Variants in NFIC observed in about 807,000 individuals in gnomAD.
NFIC encodes nuclear factor 1 C-type.
A neutral mutation model predicts 54.4 loss-of-function variants in NFIC; 12 were observed. That is an observed-to-expected ratio of 0.22 (90% CI 0.14 to 0.36). The LOEUF is 0.36. Ranked by LOEUF, NFIC falls within the 10% of genes least tolerant of loss-of-function variation. The pLI, the probability that NFIC is intolerant of heterozygous loss-of-function variation, is 1.00. For missense variants in NFIC, 575 were observed against 718.2 expected, an observed-to-expected ratio of 0.80 and a Z score of 2.28; for synonymous variants, 322 against 319.2, an observed-to-expected ratio of 1.01 and a Z score of -0.09.
At chr19:3,385,187 C>T (rs1485619573) in intron 2 of NFIC, among the ~76,000 whole-genome samples, 1 of 146,898 alleles carries the variant, frequency 6.8e-6, no homozygotes, top group East Asian at 2.1e-4. Context: ...CCCCAATTGG[C>T]CCCAGCAGGG....
rs1016320528 is a variant in NFIC at position 3,463,689 on chromosome 19, G to A, written c.*920G>A. 5.2e-5 allele frequency: 51 copies of A among 983,378 alleles called. No homozygotes were observed. Among genetic ancestry groups the A allele is most frequent in the Middle Eastern group, 1.0e-3 (2 of 1,910 alleles). The allele number at this position is 983,378 out of a possible 1,614,324, so 60.9% of individuals were successfully genotyped here. A position where few individuals can be genotyped will look rare whatever the true frequency, so the allele number is the denominator to read the frequency against. On this transcript the variant is annotated 3_prime_UTR_variant, in exon 11 of 11. Transcript: ENST00000443272. ...GCCCGGCTCACACCCCCAAAGGGAG[G>A]GACCCACATTGCACACACTGTAAGA...
At chr19:3,379,074 TC>T (rs1251258503) in intron 1 of NFIC, among the ~76,000 whole-genome samples, 1 of 152,104 alleles carries the variant, frequency 6.6e-6, no homozygotes, top group Non-Finnish European at 1.5e-5. Flanking sequence ...TTTTTTGTTT[TC>T]CCAAGATGGA....
intron 2 of NFIC, among the ~76,000 whole-genome samples, chr19:3,388,640 T>C (rs2081333907): frequency 6.7e-6 from 1 of 150,066 alleles, no homozygotes; most frequent in Non-Finnish European, 1.5e-5. Context: ...CTGGGCAACA[T>C]AGCACGACCA....
chr19:3,366,547 T>TGGGGGGGGGGGGGGGGGGGG, upstream of NFIC: 3 of 353,240 alleles, frequency 8.5e-6, no homozygotes, highest in South Asian at 6.6e-5. Flanking sequence ...GGGGGGGGGT[T>TGGGGGGGGGGGGGGGGGGGG]GGGGGGGGCG....
chr19:3,390,897 C>T (rs1043548410), intron 2 of NFIC, among the ~76,000 whole-genome samples: 4 of 151,258 alleles, frequency 2.6e-5, no homozygotes, highest in African/African-American at 4.9e-5. Flanking sequence ...TTCATGGGGA[C>T]GGGGTTTCAG....
intron 2 of NFIC, among the ~76,000 whole-genome samples, chr19:3,394,043 A>G (rs1395463643): frequency 6.6e-6 from 1 of 151,576 alleles, no homozygotes; most frequent in Non-Finnish European, 1.5e-5. Context: ...CCTGGGTTCA[A>G]GCAGTTCTCC....
chr19:3,366,773 C>T (rs573281158), intron 1 of NFIC, 107 bp downstream of exon 1: 5 of 788,792 alleles, frequency 6.3e-6, no homozygotes, highest in Admixed American at 4.2e-5. Context: ...GCGTCCCTCC[C>T]GCCATCCCTG....
In NFIC at chr19:3,464,553, T is replaced by G; in HGVS notation, c.*1784T>G. 1.6e-6 allele frequency: 1 copy of G among 609,254 alleles called. No individual in the cohort carries two copies. The highest frequency in any genetic ancestry group is 1.8e-6 in the Non-Finnish European group (1 of 546,378). The allele number at this position is 609,254 out of a possible 1,614,324, so 37.7% of individuals were successfully genotyped here. A position where few individuals can be genotyped will look rare whatever the true frequency, so the allele number is the denominator to read the frequency against. On this transcript the variant is annotated 3_prime_UTR_variant, in exon 11 of 11. Transcript: ENST00000443272. ...CCACCCAGCCCAGCCCCAACTGACC[T>G]CCATGCCTAGGGAAAAACTCCCCCC... is the stretch of plus-strand genomic sequence containing the variant.
Position 3,453,789 on chromosome 19 carries a change from G to T in NFIC, c.1296G>T (p.Met432Ile). The T allele has an allele frequency of 6.2e-7, 1 of 1,604,642 alleles. No individual in the cohort carries two copies. Among genetic ancestry groups the T allele is most frequent in the South Asian group, 1.1e-5 (1 of 89,778 alleles). ...GPLNGSGQLKMPSHCLSAQML... is the reference protein window; with the variant it reads ...GPLNGSGQLKIPSHCLSAQML... ...TAAATGGAAGTGGTCAGCTCAAAAT[G>T]CCCAGCCACTGCCTTTCTGCTCAGA... Residue 432 changes from methionine to isoleucine, a missense_variant, in exon 9 of 11, where the codon ATG becomes ATT. Met to Ile is a conservative substitution (Grantham distance 10, BLOSUM62 1). Transcript: ENST00000443272. The surrounding 1 kb of genome is among the most constrained non-coding windows in gnomAD (Gnocchi z 6.7).
At chr19:3,435,837 T>G (rs2082193191) in intron 6 of NFIC, among the ~76,000 whole-genome samples, 1 of 151,352 alleles carries the variant, frequency 6.6e-6, no homozygotes, top group Non-Finnish European at 1.5e-5. Flanking sequence ...CTTTCTTTCT[T>G]TTTTTTGAGA....
intron 6 of NFIC, among the ~76,000 whole-genome samples, chr19:3,448,548 G>C (rs1443195533): frequency 1.3e-5 from 2 of 152,184 alleles, no homozygotes; most frequent in Non-Finnish European, 2.9e-5. Context: ...CCCCAGGGAG[G>C]CTCCGTTCCT....
chr19:3,414,853 T>A (rs2081826932), intron 2 of NFIC, among the ~76,000 whole-genome samples: 1 of 152,042 alleles, frequency 6.6e-6, no homozygotes, highest in Non-Finnish European at 1.5e-5. Context: ...GTTTTTGTGT[T>A]TTTTGAGACA....
chr19:3,464,073 G>GCGC lies in NFIC; in HGVS notation c.*1306_*1308dup. 2 of 984,780 alleles carry GCGC rather than the reference G, an allele frequency of 2.0e-6. No homozygotes were observed. Among genetic ancestry groups the GCGC allele is most frequent in the Non-Finnish European group, 2.4e-6 (2 of 829,818 alleles). 61.0% of individuals were successfully genotyped at this position (984,780 alleles called of 1,614,324 possible). ...GGGGGTGGGCTCTGGGGAAGCCGGT[G>GCGC]CGCCCCCCACGCCTCCGCTGCCAGT... is the stretch of plus-strand genomic sequence containing the variant. On this transcript the variant is annotated 3_prime_UTR_variant, in exon 11 of 11. Transcript: ENST00000443272.
chr19:3,444,510 C>T (rs192523824), intron 6 of NFIC, among the ~76,000 whole-genome samples: 17 of 152,300 alleles, frequency 1.1e-4, no homozygotes, highest in South Asian at 2.1e-4. Context: ...TGCTTGGAGG[C>T]GGGGTGCAGA....
chr19:3,394,940 G>A (rs77142444), intron 2 of NFIC, among the ~76,000 whole-genome samples: 5,279 of 152,096 alleles, frequency 0.035, 141 homozygotes, highest in East Asian at 0.1. Context: ...CCATGAAATC[G>A]GTCCCTGGGG....
chr19:3,437,696 G>GTT (rs971481195), intron 6 of NFIC, among the ~76,000 whole-genome samples: 1 of 132,426 alleles, frequency 7.6e-6, no homozygotes, highest in Non-Finnish European at 1.6e-5. Context: ...TTTGTTTTTT[G>GTT]TTTTTTTTTT....
At chr19:3,455,784 C>G (rs183980100) in intron 9 of NFIC, among the ~76,000 whole-genome samples, 9 of 149,966 alleles carry the variant, frequency 6.0e-5, no homozygotes, top group African/African-American at 1.9e-4. Flanking sequence ...CAGGGCTCAA[C>G]GGGATTATGC....
intron 9 of NFIC, among the ~76,000 whole-genome samples, chr19:3,455,082 T>C (rs2082531052): frequency 6.6e-6 from 1 of 152,182 alleles, no homozygotes; most frequent in Admixed American, 6.5e-5. Context: ...GACAAGCCGG[T>C]GACATGGGTC....
chr19:3,419,149 A>T (rs568800118), intron 2 of NFIC, among the ~76,000 whole-genome samples: 1 of 152,186 alleles, frequency 6.6e-6, no homozygotes, highest in South Asian at 2.1e-4. Flanking sequence ...TCTGGAGAGG[A>T]TGGTGGCGAT....
Sources: allele counts gnomAD v4.1 joint callset (sites outside exome capture counted in the v4.1 genomes callset), GRCh38; gene constraint gnomAD v4.1.1; non-coding constraint Gnocchi (gnomAD v3.1); transcripts MANE v1.5; gene names NCBI Gene and HGNC (gene_info 2026-07-23, HGNC 2026-07-21).